Variants in TBC1D22A observed in about 807,000 individuals in gnomAD.
TBC1D22A encodes the protein TBC1 domain family member 22A, also known as putative GTPase activator.
A neutral mutation model predicts 60.2 loss-of-function variants in TBC1D22A; 38 were observed. That is an observed-to-expected ratio of 0.63 (90% confidence interval 0.49 to 0.83). The LOEUF is 0.83. Ranked by LOEUF, TBC1D22A falls within the 40% of genes least tolerant of loss-of-function variation. The pLI is 0.00. For synonymous variants in TBC1D22A, 302 were observed against 281.7 expected, an observed-to-expected ratio of 1.07 and a Z score of -0.72; for missense variants, 628 against 701.0, an observed-to-expected ratio of 0.90 and a Z score of 1.18.
At position 47,013,039 on chromosome 22, in the gene TBC1D22A, C is replaced by T. The variant is rs2061800741; in HGVS notation, c.1201+15330C>T. 2.0e-5 allele frequency among the ~76,000 whole-genome samples: 3 copies of T among 152,216 alleles called. No individual in the cohort carries two copies. In the South Asian group the frequency reaches 6.2e-4, roughly 31 times the overall value. ...TGGACCGGGAGAGGGCTCCCTGCATCTGGCCCTCCAGCCTCCCGCCCCGTG... is the reference window on the plus strand; with the variant it reads ...TGGACCGGGAGAGGGCTCCCTGCATTTGGCCCTCCAGCCTCCCGCCCCGTG... On this transcript the variant is annotated intron_variant, in intron 10 of 12. Coordinates refer to ENST00000337137, the MANE Select transcript of TBC1D22A (RefSeq NM_014346.5).
chr22:46,944,636 A>G (rs551372434), intron 8 of TBC1D22A, among the ~76,000 whole-genome samples: 49 of 152,248 alleles, frequency 3.2e-4, no homozygotes, highest in East Asian at 2.9e-3. Context: ...ATGACCTTGT[A>G]ATCTGCCCAC....
chr22:47,161,787 G>A (rs1304624011), intron 12 of TBC1D22A, among the ~76,000 whole-genome samples: 3 of 152,268 alleles, frequency 2.0e-5, no homozygotes, highest in Admixed American at 2.0e-4. Context: ...GGACCCGACA[G>A]TGTGAGCTTG....
At chr22:46,902,833 T>C (rs1377092248) in intron 7 of TBC1D22A, among the ~76,000 whole-genome samples, 1 of 152,264 alleles carries the variant, frequency 6.6e-6, no homozygotes, top group Non-Finnish European at 1.5e-5. Flanking sequence ...GATGTCTCTG[T>C]CCTCAGCAGC....
At position 47,091,985 on chromosome 22, in the gene TBC1D22A, A is replaced by T. The variant is rs144273762; in HGVS notation, c.1330-19523A>T. Among the ~76,000 whole-genome samples, 831 of 152,320 alleles carry T rather than the reference A, an allele frequency of 5.5e-3. 15 individuals carry two copies. Among genetic ancestry groups the T allele is most frequent in the Admixed American group, 0.049 (745 of 15,296 alleles). On this transcript the variant is annotated intron_variant, in intron 11 of 12. Coordinates refer to ENST00000337137, the MANE Select transcript of TBC1D22A (RefSeq NM_014346.5). The stretch of plus-strand genomic sequence containing the variant: ...TGTACTGGAAAGCGTGTACTCGTGT[A>T]CTGGACATCATGATTGCCGTCTTAC...
chr22:46,868,886 A>C (rs1274966472), intron 4 of TBC1D22A, among the ~76,000 whole-genome samples: 1 of 151,990 alleles, frequency 6.6e-6, no homozygotes, highest in Non-Finnish European at 1.5e-5. Context: ...GTTTTATCCT[A>C]GAGTTGTTCA....
At chr22:46,936,407 C>T (rs902187594) in intron 8 of TBC1D22A, among the ~76,000 whole-genome samples, 2 of 152,162 alleles carry the variant, frequency 1.3e-5, no homozygotes, top group Non-Finnish European at 2.9e-5. Context: ...TGCTGGGGAG[C>T]TTTCAGGATT....
intron 5 of TBC1D22A, among the ~76,000 whole-genome samples, chr22:46,889,944 C>A (rs1240519249): frequency 2.0e-5 from 3 of 152,182 alleles, no homozygotes; most frequent in African/African-American, 7.2e-5. Flanking sequence ...TCAAAAGCCA[C>A]CAAACTGATT....
At chr22:47,117,132 G>T in intron 12 of TBC1D22A, 1 of 154,534 alleles carries the variant, frequency 6.5e-6, no homozygotes, top group Non-Finnish European at 1.4e-5. Flanking sequence ...GCAATGTGAA[G>T]TGATTTGGTG....
intron 1 of TBC1D22A, among the ~76,000 whole-genome samples, chr22:46,775,922 G>A (rs1454874925): frequency 3.3e-5 from 5 of 152,246 alleles, no homozygotes; most frequent in Admixed American, 3.3e-4. Context: ...AGAATTAAAT[G>A]GAACAAGCAG....
At chr22:47,128,776 C>T (rs761636154) in intron 12 of TBC1D22A, among the ~76,000 whole-genome samples, 6 of 152,124 alleles carry the variant, frequency 3.9e-5, no homozygotes, top group South Asian at 4.1e-4. Flanking sequence ...ACGTGGACTC[C>T]GGGCAAGCAC....
Position 47,013,067 on chromosome 22 carries a change from C to T in TBC1D22A, c.1201+15358C>T, listed in dbSNP as rs71313078. Among the ~76,000 whole-genome samples, 851 of 152,348 alleles carry T rather than the reference C, an allele frequency of 5.6e-3. 7 individuals are homozygous for T. The highest frequency in any genetic ancestry group is 0.014 in the Middle Eastern group (4 of 294). ...GCCCTCCAGCCTCCCGCCCCGTGCG[C>T]GAGTGGAGCTGGACATAGCACTTGC... On this transcript the variant is annotated intron_variant, in intron 10 of 12. Coordinates refer to ENST00000337137, the MANE Select transcript of TBC1D22A (RefSeq NM_014346.5).
intron 9 of TBC1D22A, among the ~76,000 whole-genome samples, chr22:46,989,766 C>T (rs1048671293): frequency 6.6e-6 from 1 of 151,190 alleles, no homozygotes; most frequent in Non-Finnish European, 1.5e-5. Flanking sequence ...GAGTCACACA[C>T]ACACACACAC....
intron 11 of TBC1D22A, among the ~76,000 whole-genome samples, chr22:47,045,869 G>C (rs2148425938): frequency 6.6e-6 from 1 of 152,226 alleles, no homozygotes; most frequent in African/African-American, 2.4e-5. Context: ...TGCTCCTTCA[G>C]GTGGCTGCAG....
chr22:47,161,295 G>A (rs1407814476), intron 12 of TBC1D22A, among the ~76,000 whole-genome samples: 1 of 152,052 alleles, frequency 6.6e-6, no homozygotes, highest in East Asian at 1.9e-4. Flanking sequence ...CGACTGTCGG[G>A]GGCGGTCCAT....
chr22:46,904,328 T>C (rs1221873070), intron 7 of TBC1D22A, among the ~76,000 whole-genome samples: 1 of 122,384 alleles, frequency 8.2e-6, no homozygotes, highest in Admixed American at 8.1e-5. Context: ...TAACAGGCTT[T>C]CAGTGATGTC....
At chr22:46,999,608 C>G (rs1426771042) in intron 10 of TBC1D22A, among the ~76,000 whole-genome samples, 2 of 152,196 alleles carry the variant, frequency 1.3e-5, no homozygotes, top group South Asian at 2.1e-4. Context: ...GAAGCTCCCC[C>G]TCACCTGTTT....
rs890183232 is a variant in TBC1D22A, at chr22:46,990,574, T to A, written c.1126-7060T>A. ...TGTAGGCCGTGGGTTTTGAAAGGTG[T>A]GCAGTGACATGAGTCCACCAAGAAA... On this transcript the variant is annotated intron_variant, in intron 9 of 12. Transcript: ENST00000337137. The surrounding 1 kb of genome is among the most constrained non-coding windows in gnomAD (Gnocchi z 4.6). Among the ~76,000 whole-genome samples the A allele has an allele frequency of 6.6e-6, 1 of 152,192 alleles. No homozygotes were observed. Among genetic ancestry groups the A allele is most frequent in the African/African-American group, 2.4e-5 (1 of 41,438 alleles).
chr22:46,905,007 C>G (rs570273148), intron 7 of TBC1D22A, among the ~76,000 whole-genome samples: 1 of 152,080 alleles, frequency 6.6e-6, no homozygotes, highest in East Asian at 1.9e-4. Flanking sequence ...ATCTCCTGAC[C>G]TCGTGATCCA....
chr22:46,816,874 C>T (rs944914882), intron 4 of TBC1D22A, among the ~76,000 whole-genome samples: 1 of 152,258 alleles, frequency 6.6e-6, no homozygotes, highest in Non-Finnish European at 1.5e-5. Flanking sequence ...GGGGTCATTC[C>T]CTCTGATTGA....
Sources: gnomAD v4.1 joint callset for allele counts (sites outside exome capture counted in the v4.1 genomes callset) on GRCh38, gnomAD v4.1.1 for gene constraint, Gnocchi (gnomAD v3.1) non-coding constraint, MANE v1.5 for transcripts, NCBI Gene and HGNC (gene_info 2026-07-23, HGNC 2026-07-21) for gene names.